The following SLC13A1 variants were observed in gnomAD, a reference collection of about 807,000 sequenced individuals.
SLC13A1 encodes the protein solute carrier family 13 member 1.
SLC13A1 carries 65 observed loss-of-function variants against 70.0 expected under a neutral mutation model. That is an observed-to-expected ratio of 0.93 (90% CI 0.76 to 1.14). The LOEUF (loss-of-function observed/expected upper bound fraction) is 1.14. Ranked by LOEUF, SLC13A1 falls within the 50% of genes most tolerant of loss-of-function variation. SLC13A1 has a pLI of 0.00. For missense variants in SLC13A1, 726 were observed against 717.8 expected, an observed-to-expected ratio of 1.01 and a Z score of -0.13; for synonymous variants, 275 against 250.5, an observed-to-expected ratio of 1.10 and a Z score of -0.92.
intron 6 of SLC13A1, among the ~76,000 whole-genome samples, chr7:123,158,645 A>G (rs183089795): frequency 6.6e-6 from 1 of 151,288 alleles, no homozygotes; most frequent in Non-Finnish European, 1.5e-5. Flanking sequence ...AAATTCTATC[A>G]CACACACACA....
At chr7:123,181,317 C>T (rs1416180601) in intron 1 of SLC13A1, among the ~76,000 whole-genome samples, 2 of 151,972 alleles carry the variant, frequency 1.3e-5, no homozygotes, top group African/African-American at 4.8e-5. Context: ...GAAAAAAATC[C>T]CCATTCATTA....
intron 6 of SLC13A1, among the ~76,000 whole-genome samples, chr7:123,151,845 C>T (rs1794568176): frequency 1.3e-5 from 2 of 152,056 alleles, no homozygotes; most frequent in Non-Finnish European, 2.9e-5. Context: ...ATTGTATCTA[C>T]TGAAATATGC....
At chr7:123,199,618 C>T (rs762250483) in intron 1 of SLC13A1, among the ~76,000 whole-genome samples, 1 of 151,960 alleles carries the variant, frequency 6.6e-6, no homozygotes, top group Non-Finnish European at 1.5e-5. Flanking sequence ...GAGAACAATT[C>T]TGATTGAATA....
At chr7:123,169,879 G>A (rs1486468606) in intron 3 of SLC13A1, among the ~76,000 whole-genome samples, 2 of 152,090 alleles carry the variant, frequency 1.3e-5, no homozygotes, top group African/African-American at 4.8e-5. Context: ...TAAGGTGGGT[G>A]GAGAAAATAG....
intron 6 of SLC13A1, among the ~76,000 whole-genome samples, chr7:123,156,658 T>G (rs889640788): frequency 1.3e-5 from 2 of 152,178 alleles, no homozygotes; most frequent in Non-Finnish European, 2.9e-5. Flanking sequence ...ATAAGAAGAT[T>G]ATTTCTGTAA....
intron 1 of SLC13A1, among the ~76,000 whole-genome samples, chr7:123,196,021 A>T (rs1392449306): frequency 6.6e-6 from 1 of 152,106 alleles, no homozygotes; most frequent in African/African-American, 2.4e-5. Flanking sequence ...AAAATAAGTA[A>T]GGAAATAGTA....
In SLC13A1 at chr7:123,181,320, A is replaced by G. The variant is rs1463324396; in HGVS notation, c.100-219T>C. Among the ~76,000 whole-genome samples, 3 of 152,132 alleles carry G rather than the reference A, an allele frequency of 2.0e-5. No homozygotes were observed. The East Asian group carries it at 5.8e-4, about 29-fold the overall frequency. ...AAACTAAAGGGAGAAAAAAATCCCC[A>G]TTCATTACATTTATTTCACATTTCC... On this transcript the variant is annotated intron_variant, in intron 1 of 14. Transcript: ENST00000194130.
chr7:123,181,617 C>CAGAGAAA (rs1795644678), intron 1 of SLC13A1, among the ~76,000 whole-genome samples: 1 of 152,086 alleles, frequency 6.6e-6, no homozygotes, highest in Admixed American at 6.6e-5. Flanking sequence ...TACTGTGTCT[C>CAGAGAAA]AGAGAAAAGA....
intron 6 of SLC13A1, among the ~76,000 whole-genome samples, chr7:123,152,377 G>T (rs758333368): frequency 1.3e-5 from 2 of 152,086 alleles, no homozygotes; most frequent in Non-Finnish European, 2.9e-5. Flanking sequence ...AAGTGAGTTT[G>T]CTGGATCACA....
chr7:123,184,583 G>A (rs1022212729), intron 1 of SLC13A1, among the ~76,000 whole-genome samples: 2 of 151,896 alleles, frequency 1.3e-5, no homozygotes, highest in African/African-American at 2.4e-5. Context: ...CAAATGACAG[G>A]ATTTTCTTCA....
rs1330414449 is a variant in SLC13A1, at chr7:123,178,019, C to CTT, written c.228+2953_228+2954insAA. 6.5e-3 allele frequency among the ~76,000 whole-genome samples: 949 copies of CTT among 145,110 alleles called. 11 individuals carry two copies. Among genetic ancestry groups the CTT allele is most frequent in the African/African-American group, 0.022 (884 of 40,048 alleles). On this transcript the variant is annotated intron_variant, in intron 2 of 14. Transcript: ENST00000194130. Reference sequence around the variant, plus strand: ...ACATAACACCTATATCTCTCTCTTTCTCTCTCTCTCTCTCTATATATATAT... The same window carrying CTT: ...ACATAACACCTATATCTCTCTCTTTCTTTCTCTCTCTCTCTCTATATATATAT...
chr7:123,160,476 T>C (rs1794854382), intron 6 of SLC13A1, among the ~76,000 whole-genome samples: 1 of 151,930 alleles, frequency 6.6e-6, no homozygotes, highest in African/African-American at 2.4e-5. Flanking sequence ...TCAGAAGAAA[T>C]AGAATACCTG....
At chr7:123,157,335 A>G (rs1794745170) in intron 6 of SLC13A1, among the ~76,000 whole-genome samples, 1 of 152,166 alleles carries the variant, frequency 6.6e-6, no homozygotes, top group Admixed American at 6.6e-5. Context: ...GTTAATAAAG[A>G]ACTATTACAT....
At chr7:123,161,808 T>TTTGTGTCC (rs1377236166) in intron 6 of SLC13A1, among the ~76,000 whole-genome samples, 2 of 152,140 alleles carry the variant, frequency 1.3e-5, no homozygotes, top group Non-Finnish European at 2.9e-5. Context: ...GGACTATAGC[T>TTTGTGTCC]AACTTGGCAA....
chr7:123,154,646 A>G (rs1794657554), intron 6 of SLC13A1, among the ~76,000 whole-genome samples: 1 of 152,106 alleles, frequency 6.6e-6, no homozygotes, highest in African/African-American at 2.4e-5. Flanking sequence ...AAGTTAGAAT[A>G]TGTCTTTTCC....
At chr7:123,135,369 A>G (rs774649429) in intron 7 of SLC13A1, among the ~76,000 whole-genome samples, 16 of 152,264 alleles carry the variant, frequency 1.1e-4, no homozygotes, top group African/African-American at 2.9e-4. Flanking sequence ...CATTTATTTT[A>G]TTACTATGGA....
intron 7 of SLC13A1, among the ~76,000 whole-genome samples, 180 bp from the exon 8 acceptor site, chr7:123,134,709 C>A (rs1418655236): frequency 6.6e-6 from 1 of 152,156 alleles, no homozygotes; most frequent in Non-Finnish European, 1.5e-5. Flanking sequence ...GATTCTGGAA[C>A]TGCATAATTA....
chr7:123,147,388 C>A, intron 6 of SLC13A1, 78 bp from the exon 7 acceptor site: 2 of 1,488,900 alleles, frequency 1.3e-6, no homozygotes, highest in East Asian at 2.3e-5. Flanking sequence ...TCCCACCACC[C>A]GCACCAATTC....
At chr7:123,162,121 T>G (rs1289530348) in intron 6 of SLC13A1, among the ~76,000 whole-genome samples, 1 of 151,886 alleles carries the variant, frequency 6.6e-6, no homozygotes, top group African/African-American at 2.4e-5. Context: ...AAATAAGCTA[T>G]GTAGTGTGGG....
Sources: allele counts gnomAD v4.1 joint callset (sites outside exome capture counted in the v4.1 genomes callset), GRCh38; gene constraint gnomAD v4.1.1; transcripts MANE v1.5; gene names NCBI Gene and HGNC (gene_info 2026-07-23, HGNC 2026-07-21).